The following LRP1B variants were observed in gnomAD, a reference collection of about 807,000 sequenced individuals.
LRP1B encodes the protein LDL receptor related protein 1B.
A neutral mutation model predicts 556.6 loss-of-function variants in LRP1B; 217 were observed. The observed-to-expected ratio is 0.39, with a 90% confidence interval of 0.35 to 0.44. LRP1B has a LOEUF of 0.44. Ranked by LOEUF, LRP1B falls within the 20% of genes least tolerant of loss-of-function variation. The pLI is 1.00. For missense variants in LRP1B, 5,053 were observed against 5,620.8 expected (o/e 0.90, Z 3.23); for synonymous variants, 2,047 against 1,865.8 (o/e 1.10, Z -2.50).
chr2:140,942,224 G>A (rs1313184677), intron 20 of LRP1B, among the ~76,000 whole-genome samples: 4 of 152,010 alleles, frequency 2.6e-5, no homozygotes, highest in African/African-American at 4.8e-5. Context: ...TTCAATCAAC[G>A]CAGTCACGCA....
chr2:142,116,816 T>C (rs1707291529), intron 1 of LRP1B, among the ~76,000 whole-genome samples: 1 of 152,152 alleles, frequency 6.6e-6, no homozygotes, highest in Non-Finnish European at 1.5e-5. Flanking sequence ...ATGTATGAAG[T>C]CTGAAGTCAG....
At chr2:140,677,809 G>A (rs1376565639) in intron 41 of LRP1B, among the ~76,000 whole-genome samples, 1 of 150,320 alleles carries the variant, frequency 6.7e-6, no homozygotes, top group East Asian at 2.0e-4. Flanking sequence ...CCAGGAGGTG[G>A]AGGTTGCAGT....
intron 7 of LRP1B, among the ~76,000 whole-genome samples, chr2:141,104,276 A>G (rs898123536): frequency 4.6e-5 from 7 of 152,050 alleles, no homozygotes; most frequent in Non-Finnish European, 1.0e-4. Context: ...TGAATTTAAA[A>G]TAATAGTAAC....
intron 2 of LRP1B, among the ~76,000 whole-genome samples, chr2:141,739,680 G>GCT (rs1553457097): frequency 1.0e-4 from 15 of 143,126 alleles, no homozygotes; most frequent in African/African-American, 3.8e-4. Flanking sequence ...TCTACTGGTT[G>GCT]TTTTTTTTTT....
At chr2:140,850,519 T>C (rs73964717) in intron 28 of LRP1B, among the ~76,000 whole-genome samples, 190 bp from the exon 29 acceptor site, 1,727 of 152,218 alleles carry the variant, frequency 0.011, 28 homozygotes, top group African/African-American at 0.039. Context: ...ATGAAATGAG[T>C]TAGAAGCCTT....
intron 1 of LRP1B, among the ~76,000 whole-genome samples, chr2:141,951,539 A>T (rs1195886783): frequency 6.6e-6 from 1 of 152,206 alleles, no homozygotes; most frequent in African/African-American, 2.4e-5. Flanking sequence ...ACCTGTAATT[A>T]TACATTTGAT....
At chr2:141,918,677 T>C (rs753605761) in intron 1 of LRP1B, among the ~76,000 whole-genome samples, 2 of 152,164 alleles carry the variant, frequency 1.3e-5, no homozygotes, top group African/African-American at 2.4e-5. Context: ...GTTGTTCCAC[T>C]TTAACTGTTG....
At chr2:140,384,057 G>A (rs1022187092) in intron 67 of LRP1B, among the ~76,000 whole-genome samples, 4 of 152,122 alleles carry the variant, frequency 2.6e-5, no homozygotes, top group Non-Finnish European at 5.9e-5. Context: ...CTCAGAAGCA[G>A]GCGAGCCCTT....
intron 2 of LRP1B, among the ~76,000 whole-genome samples, chr2:141,591,479 G>T (rs1354369348): frequency 6.6e-6 from 1 of 151,766 alleles, no homozygotes; most frequent in Non-Finnish European, 1.5e-5. Flanking sequence ...CCACTCCCAG[G>T]TGATACAGTT....
At chr2:140,781,842 C>T (rs1490682352) in intron 32 of LRP1B, among the ~76,000 whole-genome samples, 1 of 152,180 alleles carries the variant, frequency 6.6e-6, no homozygotes, top group African/African-American at 2.4e-5. Context: ...GGCTCCTCTA[C>T]AGATAGAATG....
chr2:141,767,539 A>G (rs1170961022), intron 2 of LRP1B, among the ~76,000 whole-genome samples: 2 of 152,108 alleles, frequency 1.3e-5, no homozygotes, highest in Non-Finnish European at 2.9e-5. Flanking sequence ...TCTTTCCCTC[A>G]GGAGTTGCAG....
intron 3 of LRP1B, among the ~76,000 whole-genome samples, chr2:141,468,886 C>G (rs1682344348): frequency 6.6e-6 from 1 of 152,134 alleles, no homozygotes; most frequent in Admixed American, 6.6e-5. Context: ...CCTTGGCTCG[C>G]AAGCACAATG....
At chr2:140,733,374 G>C (rs936649530) in intron 35 of LRP1B, among the ~76,000 whole-genome samples, 1 of 152,052 alleles carries the variant, frequency 6.6e-6, no homozygotes, top group Non-Finnish European at 1.5e-5. Context: ...AGACCCTAAA[G>C]CTAAACAGTG....
intron 15 of LRP1B, among the ~76,000 whole-genome samples, chr2:140,996,608 T>C (rs540602876): frequency 2.7e-4 from 41 of 152,118 alleles, no homozygotes; most frequent in African/African-American, 9.6e-4. Flanking sequence ...ATTTGTTGAC[T>C]GGTTACTGGA....
At chr2:141,342,106 T>C (rs368351017) in intron 3 of LRP1B, among the ~76,000 whole-genome samples, 1 of 148,384 alleles carries the variant, frequency 6.7e-6, no homozygotes, top group African/African-American at 2.5e-5. Context: ...TAGCCAGGAG[T>C]GGTGGTGGGC....
intron 14 of LRP1B, among the ~76,000 whole-genome samples, chr2:141,012,461 AT>A (rs1237355372): frequency 6.6e-6 from 1 of 152,014 alleles, no homozygotes; most frequent in East Asian, 1.9e-4. Context: ...GTTTATATGA[AT>A]ATAATAAAAT....
chr2:140,508,749 A>G (rs1343249657), intron 52 of LRP1B, among the ~76,000 whole-genome samples: 1 of 152,182 alleles, frequency 6.6e-6, no homozygotes, highest in Non-Finnish European at 1.5e-5. Flanking sequence ...AGATCACTTG[A>G]GTACAATTTG....
At chr2:141,652,053 G>A (rs1299023775) in intron 2 of LRP1B, among the ~76,000 whole-genome samples, 1 of 152,088 alleles carries the variant, frequency 6.6e-6, no homozygotes, top group South Asian at 2.1e-4. Flanking sequence ...CTAAATACAG[G>A]TGGATCTGAT....
At chr2:141,448,277 A>T (rs925369423) in intron 3 of LRP1B, among the ~76,000 whole-genome samples, 1 of 152,240 alleles carries the variant, frequency 6.6e-6, no homozygotes, top group African/African-American at 2.4e-5. Flanking sequence ...AACCAAGCTC[A>T]AGCATCCCAG....
Sources: gnomAD v4.1 joint callset for allele counts (sites outside exome capture counted in the v4.1 genomes callset) on GRCh38, gnomAD v4.1.1 for gene constraint, MANE v1.5 for transcripts, NCBI Gene and HGNC (gene_info 2026-07-23, HGNC 2026-07-21) for gene names.